Variants in KAZN observed in about 807,000 individuals in gnomAD.
The protein encoded by KAZN is kazrin.
KAZN carries 40 observed loss-of-function variants against 87.4 expected under a neutral mutation model. The observed-to-expected ratio is 0.46, with a 90% CI of 0.36 to 0.60. The LOEUF (loss-of-function observed/expected upper bound fraction) is 0.60, where lower values mean the gene tolerates loss of function less well. Among genes scored for constraint, KAZN ranks in the 20% least tolerant of loss-of-function variants. The pLI is 0.00. For synonymous variants in KAZN, 466 were observed against 458.3 expected (o/e 1.02, Z -0.22); for missense variants, 898 against 1,073.9 (o/e 0.84, Z 2.29).
chr1:14,852,845 C>T (rs1166181635), intron 1 of KAZN, among the ~76,000 whole-genome samples: 1 of 152,216 alleles, frequency 6.6e-6, no homozygotes, highest in East Asian at 1.9e-4. Context: ...GTACCAGCAA[C>T]ATGGGCCTCC....
chr1:14,665,183 C>T (rs1639446410), intron 1 of KAZN, among the ~76,000 whole-genome samples: 1 of 152,194 alleles, frequency 6.6e-6, no homozygotes, highest in African/African-American at 2.4e-5. Flanking sequence ...CAGCATCCAG[C>T]CAGATCCTGC....
At chr1:14,333,875 T>C (rs1480027103) in intron 2 of KAZN, among the ~76,000 whole-genome samples, 3 of 151,968 alleles carry the variant, frequency 2.0e-5, no homozygotes, top group Admixed American at 2.0e-4. Context: ...GCCACAGAAA[T>C]GTGGCTGCCC....
At chr1:14,999,317 C>T (rs753630322) in intron 2 of KAZN, among the ~76,000 whole-genome samples, 7 of 152,250 alleles carry the variant, frequency 4.6e-5, no homozygotes, top group Non-Finnish European at 1.0e-4. Context: ...TTCACCTCCC[C>T]GAGCCTTCAC....
At chr1:14,199,823 C>G (rs1646602934) in intron 2 of KAZN, among the ~76,000 whole-genome samples, 1 of 152,146 alleles carries the variant, frequency 6.6e-6, no homozygotes, top group South Asian at 2.1e-4. Flanking sequence ...CTGGCTTGCT[C>G]TAATCACAGT....
At chr1:14,873,125 TGGATGGATGGATGGATGGAA>T (rs1652369775) in intron 1 of KAZN, among the ~76,000 whole-genome samples, 1 of 145,922 alleles carries the variant, frequency 6.9e-6, no homozygotes, top group African/African-American at 2.6e-5. Flanking sequence ...AATGGATGGG[TGGATGGATGGATGGATGGAA>T]GGATGGATGG....
At chr1:14,955,354 G>C (rs563331265) in intron 1 of KAZN, among the ~76,000 whole-genome samples, 1 of 152,348 alleles carries the variant, frequency 6.6e-6, no homozygotes, top group South Asian at 2.1e-4. Flanking sequence ...GGCCCAGGGA[G>C]AAGTGCCTGC....
chr1:14,580,170 G>T (rs922825014), intron 2 of KAZN, among the ~76,000 whole-genome samples: 1 of 152,120 alleles, frequency 6.6e-6, no homozygotes, highest in Admixed American at 6.6e-5. Flanking sequence ...CATTGCTGGC[G>T]AATGTATCTT....
intron 8 of KAZN, among the ~76,000 whole-genome samples, chr1:15,093,051 T>A (rs1367501686): frequency 1.3e-5 from 2 of 152,152 alleles, no homozygotes; most frequent in Non-Finnish European, 2.9e-5. Context: ...GCCGCTGTGT[T>A]GTTTACAATA....
At chr1:14,026,806 G>A (rs1272392363) in intron 1 of KAZN, among the ~76,000 whole-genome samples, 1 of 152,192 alleles carries the variant, frequency 6.6e-6, no homozygotes, top group East Asian at 1.9e-4. Flanking sequence ...AGTCCAGGAG[G>A]GAAGCAGATG....
intron 1 of KAZN, among the ~76,000 whole-genome samples, chr1:14,772,352 C>A (rs991988892): frequency 6.6e-6 from 1 of 152,052 alleles, no homozygotes; most frequent in African/African-American, 2.4e-5. Flanking sequence ...GGAGTGGTGG[C>A]ATGCACCTGT....
At chr1:14,339,066 A>T (rs1407326008) in intron 2 of KAZN, among the ~76,000 whole-genome samples, 1 of 152,202 alleles carries the variant, frequency 6.6e-6, no homozygotes, top group Admixed American at 6.5e-5. Flanking sequence ...GGGGATTCAC[A>T]GACAAACAAG....
At chr1:14,936,178 C>T (rs940267911) in intron 1 of KAZN, among the ~76,000 whole-genome samples, 1 of 152,258 alleles carries the variant, frequency 6.6e-6, no homozygotes, top group Admixed American at 6.5e-5. Context: ...ACAGTTCACT[C>T]ACCCTCTGGA....
At chr1:13,981,998 C>T (rs905385885) in intron 1 of KAZN, among the ~76,000 whole-genome samples, 3 of 152,190 alleles carry the variant, frequency 2.0e-5, no homozygotes, top group African/African-American at 7.2e-5. Flanking sequence ...GGGGGCTGTC[C>T]TCTTGGTTTG....
rs1286656265 is a variant in KAZN at position 15,115,460 on chromosome 1, G to A, written c.*825G>A. 1 of 152,182 alleles carries A rather than the reference G, an allele frequency of 6.6e-6. No individual in the cohort carries two copies. The highest frequency in any genetic ancestry group is 2.4e-5 in the African/African-American group (1 of 41,424). The allele number at this position is 152,182 out of a possible 1,614,324, so 9.4% of individuals were successfully genotyped here. Reference sequence around the variant, plus strand: ...CCATATGGTGAATCTCTGGCCTGTGGTTTGGCTTTACTGAGATTCCAAACC... The same window carrying A: ...CCATATGGTGAATCTCTGGCCTGTGATTTGGCTTTACTGAGATTCCAAACC... On this transcript the variant is annotated 3_prime_UTR_variant, in exon 15 of 15. Transcript: ENST00000376030. This position sits in a 1 kb window ranked among gnomAD's most constrained non-coding sequence, Gnocchi z 4.1.
chr1:14,870,085 A>C (rs1426666872), intron 1 of KAZN, among the ~76,000 whole-genome samples: 1 of 152,208 alleles, frequency 6.6e-6, no homozygotes, highest in Non-Finnish European at 1.5e-5. Context: ...GGAAAATCCC[A>C]GTATCTGTCC....
At chr1:14,505,649 G>A (rs1670542562) in intron 2 of KAZN, among the ~76,000 whole-genome samples, 1 of 152,134 alleles carries the variant, frequency 6.6e-6, no homozygotes, top group Non-Finnish European at 1.5e-5. Flanking sequence ...AGAACTGATT[G>A]TTTCATGCAC....
intron 1 of KAZN, among the ~76,000 whole-genome samples, chr1:13,979,349 C>A (rs1638542875): frequency 6.6e-6 from 1 of 152,066 alleles, no homozygotes; most frequent in East Asian, 1.9e-4. Flanking sequence ...AATTTCTCAA[C>A]AAAATGATGA....
At chr1:14,371,646 A>C (rs2101017986) in intron 2 of KAZN, among the ~76,000 whole-genome samples, 1 of 152,328 alleles carries the variant, frequency 6.6e-6, no homozygotes, top group East Asian at 1.9e-4. Flanking sequence ...ACATGACAAG[A>C]GAGTAAGAAT....
chr1:14,049,509 TGCC>T (rs1224350928), intron 1 of KAZN, among the ~76,000 whole-genome samples: 2 of 152,164 alleles, frequency 1.3e-5, no homozygotes, highest in African/African-American at 2.4e-5. Context: ...GAGTACCTGC[TGCC>T]TACTGAACAA....
Sources: allele counts gnomAD v4.1 joint callset (sites outside exome capture counted in the v4.1 genomes callset), GRCh38; gene constraint gnomAD v4.1.1; non-coding constraint Gnocchi (gnomAD v3.1); transcripts MANE v1.5; gene names NCBI Gene and HGNC (gene_info 2026-07-23, HGNC 2026-07-21).